The following VAV3 variants were observed in gnomAD, a reference collection of about 807,000 sequenced individuals.
The protein encoded by VAV3 is vav guanine nucleotide exchange factor 3.
In VAV3, 94 loss-of-function variants were observed where a neutral mutation model predicts 131.2. The ratio of observed to expected loss-of-function variants is 0.72; its 90% CI spans 0.61 to 0.85. The LOEUF is 0.85. Ranked by LOEUF, VAV3 falls within the 40% of genes least tolerant of loss-of-function variation. VAV3 has a pLI of 0.00. For synonymous variants in VAV3, 349 were observed against 342.0 expected, an observed-to-expected ratio of 1.02 and a Z score of -0.22; for missense variants, 939 against 1,002.7, an observed-to-expected ratio of 0.94 and a Z score of 0.86.
rs1654787703 is a variant in VAV3 at position 107,634,828 on chromosome 1, T to C, written c.1914+7791A>G. 2.0e-5 allele frequency among the ~76,000 whole-genome samples: 3 copies of C among 152,026 alleles called. No individual in the cohort carries two copies. The South Asian group carries it at 6.2e-4, about 32-fold the overall frequency. ...GTGGGCAAAGGATATGAACAGACAC[T>C]TCTCAAAAGACATTTATGCAGCTGA... is the stretch of plus-strand genomic sequence containing the variant. On this transcript the variant is annotated intron_variant, in intron 20 of 26. Coordinates refer to ENST00000370056, the MANE Select transcript of VAV3 (RefSeq NM_006113.5).
rs1304125385 is a variant in VAV3, at chr1:107,766,483, T to G, written c.785A>C (p.Gln262Pro). The change falls in exon 8 of 27, where the codon CAG becomes CCG. Residue 262 changes from glutamine (Q) to proline (P), a missense_variant. Gln to Pro is a moderately conservative substitution (Grantham distance 76, BLOSUM62 -1). Coordinates refer to ENST00000370056, the MANE Select transcript of VAV3 (RefSeq NM_006113.5). The stretch of plus-strand genomic sequence containing the variant: ...GTTAATAAAAACTTGGTACAAGTTC[T>G]GGTCATTTTTATTTACAATGGAATC... ...IHDSIVNKND[Q>P]NLYQVFINYK... 2.5e-6 allele frequency: 4 copies of G among 1,613,346 alleles called. No homozygotes were observed. The Admixed American group carries it at 6.7e-5, about 27-fold the overall frequency.
intron 20 of VAV3, among the ~76,000 whole-genome samples, chr1:107,638,318 G>C (rs559159683): frequency 1.4e-4 from 21 of 152,022 alleles, no homozygotes; most frequent in Non-Finnish European, 2.5e-4. Flanking sequence ...AAAGCTACAA[G>C]AACAACTGAA....
intron 1 of VAV3, among the ~76,000 whole-genome samples, chr1:107,958,933 T>C (rs912959077): frequency 6.6e-6 from 1 of 152,058 alleles, no homozygotes; most frequent in Admixed American, 6.6e-5. Flanking sequence ...GCTCTTTCAA[T>C]AGGTATAAAA....
intron 19 of VAV3, among the ~76,000 whole-genome samples, chr1:107,675,090 G>GT (rs1312687778): frequency 2.0e-5 from 3 of 152,186 alleles, no homozygotes; most frequent in Non-Finnish European, 4.4e-5. Flanking sequence ...GTGAAGTATT[G>GT]TAAGAAACCC....
rs145092143 is a variant in VAV3 at position 107,936,885 on chromosome 1, T to G, written c.204+27781A>C. 6.0e-3 allele frequency among the ~76,000 whole-genome samples: 914 copies of G among 152,282 alleles called. 2 individuals carry two copies. The highest frequency in any genetic ancestry group is 9.8e-3 in the Non-Finnish European group (666 of 68,014). On this transcript the variant is annotated intron_variant, in intron 1 of 26. Transcript: ENST00000370056. Reference sequence around the variant, plus strand: ...ACGCTGCTCCTTCCCCGACCGATCTTGTGATTTGATACACATCATTCCTTA... The same window carrying G: ...ACGCTGCTCCTTCCCCGACCGATCTGGTGATTTGATACACATCATTCCTTA...
chr1:107,870,781 T>A (rs1249883960), intron 2 of VAV3, among the ~76,000 whole-genome samples: 2 of 152,114 alleles, frequency 1.3e-5, no homozygotes, highest in African/African-American at 4.8e-5. Flanking sequence ...AACTATCCTA[T>A]TGCAATTCAA....
intron 2 of VAV3, among the ~76,000 whole-genome samples, chr1:107,808,744 A>G (rs1485850958): frequency 1.3e-5 from 2 of 152,170 alleles, no homozygotes; most frequent in Non-Finnish European, 2.9e-5. Flanking sequence ...GCTCCACAAT[A>G]TTCCATAGTA....
chr1:107,789,457 T>C (rs1666181265), intron 2 of VAV3, among the ~76,000 whole-genome samples: 1 of 152,222 alleles, frequency 6.6e-6, no homozygotes, highest in Admixed American at 6.5e-5. Context: ...ATGAAGCATC[T>C]GTAAACGTTT....
chr1:107,910,875 G>A (rs1285752548), intron 1 of VAV3, among the ~76,000 whole-genome samples: 2 of 152,074 alleles, frequency 1.3e-5, no homozygotes, highest in African/African-American at 4.8e-5. Flanking sequence ...AGCTACTCAG[G>A]AGGCTGAGAT....
In VAV3 at chr1:107,716,322, A is replaced by G. The variant is rs368217411; in HGVS notation, c.1503-11261T>C. Among the ~76,000 whole-genome samples the G allele has an allele frequency of 8.4e-4, 128 of 152,290 alleles. 2 individuals carry two copies. The South Asian group carries it at 0.026, about 31-fold the overall frequency. On this transcript the variant is annotated intron_variant, in intron 15 of 26. Coordinates refer to ENST00000370056, the MANE Select transcript of VAV3 (RefSeq NM_006113.5). ...ATTGTGACCAAACAGCCAGCCAGTA[A>G]AGACTTTTAAAAGTGCTTTGGTGGG...
intron 15 of VAV3, among the ~76,000 whole-genome samples, chr1:107,733,923 T>G (rs1045187425): frequency 4.0e-5 from 6 of 150,734 alleles, no homozygotes; most frequent in Non-Finnish European, 8.9e-5. Flanking sequence ...TTCACTAAGG[T>G]TGAAATGAAG....
At chr1:107,922,965 A>AG (rs57704822) in intron 1 of VAV3, among the ~76,000 whole-genome samples, 489 of 24,426 alleles carry the variant, frequency 0.02, 3 homozygotes, top group Middle Eastern at 0.16. Context: ...AAAAAAAAAG[A>AG]AAAAAAAAAA....
At chr1:107,635,900 T>C (rs1257981519) in intron 20 of VAV3, among the ~76,000 whole-genome samples, 2 of 152,220 alleles carry the variant, frequency 1.3e-5, no homozygotes, top group Non-Finnish European at 2.9e-5. Flanking sequence ...TGTGTGTCTT[T>C]GGGCAGACTA....
chr1:107,641,428 A>T (rs902805170), intron 20 of VAV3, among the ~76,000 whole-genome samples: 1 of 152,182 alleles, frequency 6.6e-6, no homozygotes, highest in Non-Finnish European at 1.5e-5. Flanking sequence ...TTTTTAACGA[A>T]TTCTTTCCTC....
At chr1:107,816,946 C>A (rs1667585815) in intron 2 of VAV3, among the ~76,000 whole-genome samples, 1 of 152,196 alleles carries the variant, frequency 6.6e-6, no homozygotes. Flanking sequence ...CGGCCAGAGT[C>A]TTGGCTTTAG....
chr1:107,811,774 A>G (rs1667329017), intron 2 of VAV3, among the ~76,000 whole-genome samples: 1 of 152,210 alleles, frequency 6.6e-6, no homozygotes, highest in Non-Finnish European at 1.5e-5. Context: ...GAAGAAAAAG[A>G]ACAAATCAAA....
chr1:107,641,354 A>G (rs1341471383), intron 20 of VAV3, among the ~76,000 whole-genome samples: 3 of 152,176 alleles, frequency 2.0e-5, no homozygotes, highest in Non-Finnish European at 4.4e-5. Context: ...ACCTCTAACC[A>G]CATTTCACTC....
intron 2 of VAV3, among the ~76,000 whole-genome samples, chr1:107,822,826 TG>T (rs1317931771): frequency 6.6e-6 from 1 of 152,160 alleles, no homozygotes; most frequent in Non-Finnish European, 1.5e-5. Flanking sequence ...AATTATGTCT[TG>T]AACACCTACT....
intron 2 of VAV3, among the ~76,000 whole-genome samples, chr1:107,813,283 G>C (rs1382368231): frequency 6.6e-6 from 1 of 152,096 alleles, no homozygotes; most frequent in Non-Finnish European, 1.5e-5. Context: ...CTCAAGAAAA[G>C]GTAGAATTTG....
Sources: allele counts gnomAD v4.1 joint callset (sites outside exome capture counted in the v4.1 genomes callset), GRCh38; gene constraint gnomAD v4.1.1; transcripts MANE v1.5; gene names NCBI Gene and HGNC (gene_info 2026-07-23, HGNC 2026-07-21).